Variants in HAL observed in about 807,000 individuals in gnomAD.
The protein encoded by HAL is histidine ammonia-lyase.
HAL carries 85 observed loss-of-function variants against 81.1 expected under a neutral mutation model. The observed-to-expected ratio is 1.05, with a 90% CI of 0.88 to 1.25. The LOEUF is 1.25. HAL is among the 50% of genes most tolerant of loss of function. HAL has a pLI of 0.00. For missense variants in HAL, 798 were observed against 836.6 expected (o/e 0.95, Z 0.57); for synonymous variants, 301 against 309.2 (o/e 0.97, Z 0.28).
In HAL at chr12:95,995,835, A is replaced by G. The variant is rs751660582; in HGVS notation, c.76T>C (p.Trp26Arg). The change falls in exon 2 of 21, where the codon TGG becomes CGG. Residue 26 changes from tryptophan to arginine, a missense_variant. By Grantham distance (101) the Trp-to-Arg change is moderately radical. Transcript: ENST00000261208. The part of the protein sequence containing the change: ...PCQDAQLTVG[W>R]LGREAVRRYI... The stretch of plus-strand genomic sequence containing the variant: ...CGCCTCACGGCCTCCCGGCCCAGCC[A>G]GCCCACAGTGAGCTGCGCGTCCTGG... 22 of 1,611,652 alleles carry G rather than the reference A, an allele frequency of 1.4e-5. No individual in the cohort carries two copies. Among genetic ancestry groups the G allele is most frequent in the Middle Eastern group, 1.6e-4 (1 of 6,062 alleles).
chr12:95,990,429 C>T lies in HAL; in HGVS notation c.819G>A (p.Met273Ile), dbSNP rs749017923. 2 of 1,613,256 alleles carry T rather than the reference C, an allele frequency of 1.2e-6. No homozygotes were observed. The highest frequency in any genetic ancestry group is 1.7e-6 in the Non-Finnish European group (2 of 1,179,162). ...LALGLVGEGK[M>I]WSPKSGWADA... ...CAGCCCAGCCACTCTTCGGAGACCA[C>T]ATCTTCCCTTCTCCAACTAGCCCAA... Residue 273 changes from methionine (M) to isoleucine (I), a missense_variant, in exon 10 of 21, where the codon ATG becomes ATA. Transcript: ENST00000261208.
At chr12:95,988,045 C>A (rs1191125209) in intron 11 of HAL, 148 bp downstream of exon 11, 2 of 659,148 alleles carry the variant, frequency 3.0e-6, no homozygotes, top group Non-Finnish European at 5.5e-6. Context: ...CTTTTAAATT[C>A]TTACGGAGTT....
At position 95,995,209 on chromosome 12, in the gene HAL, G is replaced by C. The variant is rs149289798; in HGVS notation, c.248-216C>G. 2.1e-3 allele frequency: 1,295 copies of C among 613,634 alleles called. 6 individuals are homozygous for C. Among genetic ancestry groups the C allele is most frequent in the Middle Eastern group, 4.8e-3 (11 of 2,302 alleles). The allele number at this position is 613,634 out of a possible 1,614,324, so 38.0% of individuals were successfully genotyped here. A position where few individuals can be genotyped will look rare whatever the true frequency, so the allele number is the denominator to read the frequency against. On this transcript the variant is annotated intron_variant, in intron 2 of 20. Transcript: ENST00000261208. Reference sequence around the variant, plus strand: ...CAGGGCAGAGACCAGGGGTTTAGATGAAAGTTCAAGACAGAATTCCACTTC... The same window carrying C: ...CAGGGCAGAGACCAGGGGTTTAGATCAAAGTTCAAGACAGAATTCCACTTC...
At chr12:95,977,390 A>AC (rs1420817459) in intron 18 of HAL, among the ~76,000 whole-genome samples, 1 of 151,840 alleles carries the variant, frequency 6.6e-6, no homozygotes, top group African/African-American at 2.4e-5. Context: ...CTCATTAAAA[A>AC]AAAAACCACT....
chr12:95,980,834 A>G lies in HAL; in HGVS notation c.1317T>C (p.Val439=). Reference sequence around the variant, plus strand: ...ATTCACCATGGAAGTTTCCTCCAGAAACTGTCTCTCCCCTATTGGCAAAGA... The same window carrying G: ...ATTCACCATGGAAGTTTCCTCCAGAGACTGTCTCTCCCCTATTGGCAAAGA... ...PMVFANRGET[V]SGGNFHGEYP... Residue 439 remains valine, a synonymous_variant, in exon 16 of 21, where the codon GTT becomes GTC. Transcript: ENST00000261208. The G allele has an allele frequency of 6.3e-7, 1 of 1,592,768 alleles. No homozygotes were observed. The highest frequency in any genetic ancestry group is 8.6e-7 in the Non-Finnish European group (1 of 1,160,812).
intron 20 of HAL, 79 bp downstream of exon 20, chr12:95,976,350 A>G: frequency 9.1e-7 from 1 of 1,101,840 alleles, no homozygotes; most frequent in Non-Finnish European, 1.4e-6. Flanking sequence ...ACAATAGAAT[A>G]AGGCAATGTT....
intron 17 of HAL, among the ~76,000 whole-genome samples, chr12:95,979,716 A>T (rs1469843751): frequency 6.6e-6 from 1 of 152,240 alleles, no homozygotes; most frequent in Non-Finnish European, 1.5e-5. Flanking sequence ...GTTAAATTTG[A>T]CAACCCTATT....
Position 95,973,599 on chromosome 12 carries a change from T to C in HAL, c.*633A>G, listed in dbSNP as rs1359670134. 1.3e-5 allele frequency: 2 copies of C among 153,084 alleles called. No individual in the cohort carries two copies. The highest frequency in any genetic ancestry group is 2.9e-5 in the Non-Finnish European group (2 of 68,654). The allele number at this position is 153,084 out of a possible 1,614,324, so 9.5% of individuals were successfully genotyped here. A position where few individuals can be genotyped will look rare whatever the true frequency, so the allele number is the denominator to read the frequency against. On this transcript the variant is annotated 3_prime_UTR_variant, in exon 21 of 21. Transcript: ENST00000261208. ...GCAATCTTTATATTCATTCCTTATC[T>C]CCTTTGCACATGAAACTCCTTGTTG...
intron 12 of HAL, among the ~76,000 whole-genome samples, chr12:95,986,549 T>G (rs1264832298): frequency 2.6e-5 from 4 of 152,178 alleles, no homozygotes. Context: ...CTCAAGACAC[T>G]GGGCCTACCT....
At chr12:95,985,149 G>A (rs10492228) in intron 14 of HAL, among the ~76,000 whole-genome samples, 31,863 of 152,142 alleles carry the variant, frequency 0.21, 3,757 homozygotes, top group South Asian at 0.3. Context: ...ATGCACCTGA[G>A]TTTCAAAATG....
At chr12:95,995,581 T>G (rs1195643365) in intron 2 of HAL, 83 bp downstream of exon 2, 1 of 1,576,666 alleles carries the variant, frequency 6.3e-7, no homozygotes, top group East Asian at 2.2e-5. Context: ...CTCATCATTT[T>G]CCCTGAGGTG....
chr12:95,978,024 C>T lies in HAL; in HGVS notation c.1574G>A (p.Ser525Asn). 1 of 1,613,526 alleles carries T rather than the reference C, an allele frequency of 6.2e-7. No homozygotes were observed. Among genetic ancestry groups the T allele is most frequent in the Non-Finnish European group, 8.5e-7 (1 of 1,179,390 alleles). The change falls in exon 18 of 21, where the codon AGC becomes AAC. Residue 525 changes from serine (S) to asparagine (N), a missense_variant. By Grantham distance (46) the Ser-to-Asn change is conservative. Transcript: ENST00000261208. ...GGAGACGTGGTCCTCCGTGGCTGCG[C>T]TGGTGGAGAGGGAGTCAACAGACGA... ...HPSSVDSLST[S>N]AATEDHVSMG... is the part of the protein sequence containing the mutation.
chr12:95,977,184 G>A (rs921623928), intron 18 of HAL, among the ~76,000 whole-genome samples: 3 of 152,092 alleles, frequency 2.0e-5, no homozygotes, highest in Non-Finnish European at 4.4e-5. Context: ...ATTGCGGGGT[G>A]GGGATACTGG....
At chr12:95,990,846 A>C (rs1949960781) in intron 9 of HAL, among the ~76,000 whole-genome samples, 1 of 152,216 alleles carries the variant, frequency 6.6e-6, no homozygotes, top group South Asian at 2.1e-4. Context: ...GCAGTGGCTC[A>C]AGCCTGTAAT....
Position 95,973,972 on chromosome 12 carries a change from C to T in HAL, c.*260G>A, listed in dbSNP as rs955195512. ...TCTTCTCACCCTTAAGAGTGAGTGG[C>T]CTGTTGAAACTGTTAAGAAAGAAAG... is the stretch of plus-strand genomic sequence containing the variant. On this transcript the variant is annotated 3_prime_UTR_variant, in exon 21 of 21. Transcript: ENST00000261208. The T allele has an allele frequency of 7.8e-6, 4 of 514,382 alleles. No homozygotes were observed. The highest frequency in any genetic ancestry group is 6.4e-5 in the Admixed American group (2 of 31,160). The allele number at this position is 514,382 out of a possible 1,614,324, so 31.9% of individuals were successfully genotyped here.
intron 14 of HAL, among the ~76,000 whole-genome samples, 188 bp from the exon 15 acceptor site, chr12:95,984,179 GAAAC>G (rs758211533): frequency 6.6e-6 from 1 of 152,210 alleles, no homozygotes; most frequent in Non-Finnish European, 1.5e-5. Context: ...GGTTTTCACT[GAAAC>G]AAATTAGAAT....
intron 10 of HAL, among the ~76,000 whole-genome samples, chr12:95,989,389 C>G (rs11108367): frequency 0.12 from 18,726 of 152,150 alleles, 1,412 homozygotes; most frequent in East Asian, 0.34. Flanking sequence ...GCTTTCTTGC[C>G]CAGGCTGGTC....
In HAL at chr12:95,996,165, C is replaced by T. The variant is rs1414272694; in HGVS notation, c.-169G>A. ...CCTCCTGTCCACTTTCCATCCAGAC[C>T]TGCTGCCAGAAAGGCCTGGGGTCTC... On this transcript the variant is annotated 5_prime_UTR_variant, in exon 1 of 21. Coordinates refer to ENST00000261208, the MANE Select transcript of HAL (RefSeq NM_002108.4). 2.0e-6 allele frequency: 1 copy of T among 501,832 alleles called. No individual in the cohort carries two copies. Among genetic ancestry groups the T allele is most frequent in the Non-Finnish European group, 3.7e-6 (1 of 272,546 alleles). 31.1% of individuals were successfully genotyped at this position (501,832 alleles called of 1,614,324 possible). A position where few individuals can be genotyped will look rare whatever the true frequency, so the allele number is the denominator to read the frequency against.
rs192234651 is a variant in HAL at position 95,976,233 on chromosome 12, C to T, written c.1833+196G>A. 6.5e-3 allele frequency: 4,131 copies of T among 638,530 alleles called. 31 individuals carry two copies. Among genetic ancestry groups the T allele is most frequent in the Middle Eastern group, 0.013 (30 of 2,366 alleles). The allele number at this position is 638,530 out of a possible 1,614,324, so 39.6% of individuals were successfully genotyped here. ...TGTTTCTAATCCTTAGATATTCAAC[C>T]GTTGGCTGCACCCTGGTGCACTTAG... is the stretch of plus-strand genomic sequence containing the variant. On this transcript the variant is annotated intron_variant, in intron 20 of 20. Transcript: ENST00000261208.
Sources: gnomAD v4.1 joint callset for allele counts (sites outside exome capture counted in the v4.1 genomes callset) on GRCh38, gnomAD v4.1.1 for gene constraint, MANE v1.5 for transcripts, NCBI Gene and HGNC (gene_info 2026-07-23, HGNC 2026-07-21) for gene names.